The following AK7 variants were observed in gnomAD, a reference collection of about 807,000 sequenced individuals.
The protein encoded by AK7 is ATP-AMP transphosphorylase 7.
Under a neutral mutation model 96.6 loss-of-function variants are expected in AK7, and 78 were observed. That is an observed-to-expected ratio of 0.81 (90% CI 0.67 to 0.97). The LOEUF is 0.97. AK7 is among the 50% of genes least tolerant of loss of function. The pLI, the probability that AK7 is intolerant of heterozygous loss-of-function variation, is 0.00. For synonymous variants in AK7, 302 were observed against 317.2 expected, an observed-to-expected ratio of 0.95 and a Z score of 0.51; for missense variants, 855 against 887.9, an observed-to-expected ratio of 0.96 and a Z score of 0.47.
intron 10 of AK7, among the ~76,000 whole-genome samples, chr14:96,452,168 A>G (rs548715434): frequency 6.6e-6 from 1 of 152,354 alleles, no homozygotes; most frequent in South Asian, 2.1e-4. Flanking sequence ...CCTGTACAAC[A>G]TAAAGTTTTG....
chr14:96,436,398 A>C (rs1381225184), intron 5 of AK7, among the ~76,000 whole-genome samples: 1 of 152,124 alleles, frequency 6.6e-6, no homozygotes, highest in African/African-American at 2.4e-5. Context: ...TAATCCCAGC[A>C]CTTTGGGAGG....
intron 10 of AK7, among the ~76,000 whole-genome samples, chr14:96,453,970 T>G (rs924598223): frequency 6.6e-6 from 1 of 152,034 alleles, no homozygotes; most frequent in Non-Finnish European, 1.5e-5. Context: ...CACACCTGCC[T>G]CCTTCCACTG....
intron 10 of AK7, among the ~76,000 whole-genome samples, chr14:96,452,830 A>T (rs894523751): frequency 6.6e-6 from 1 of 152,158 alleles, no homozygotes; most frequent in Non-Finnish European, 1.5e-5. Context: ...CAGACTAGGT[A>T]GGACGCAGAC....
intron 1 of AK7, 22 bp from the exon 2 acceptor site, chr14:96,398,053 G>T: frequency 6.2e-7 from 1 of 1,605,848 alleles, no homozygotes; most frequent in Non-Finnish European, 8.5e-7. Context: ...TTACCATTTG[G>T]GAAATTTCTG....
intron 14 of AK7, among the ~76,000 whole-genome samples, chr14:96,478,188 G>A (rs932034650): frequency 1.3e-5 from 2 of 151,112 alleles, no homozygotes; most frequent in African/African-American, 2.4e-5. Context: ...GAGGGAGGGC[G>A]GGGGAAGGGA....
chr14:96,478,661 T>C lies in AK7; in HGVS notation c.1752T>C (p.Ile584=), dbSNP rs772475181. The change falls in exon 15 of 18, where the codon ATT becomes ATC. Residue 584 remains isoleucine, a splice_region_variant and synonymous_variant. Coordinates refer to ENST00000267584, the MANE Select transcript of AK7 (RefSeq NM_152327.5). ...FDELEIHPIH[I]DVGKLEDAQN... Reference sequence around the variant, plus strand: ...AACTTGAAATTCACCCGATACATATTGGTATGAAATGAATTCAAGGATAAT... The same window carrying C: ...AACTTGAAATTCACCCGATACATATCGGTATGAAATGAATTCAAGGATAAT... The C allele has an allele frequency of 6.2e-7, 1 of 1,613,218 alleles. No individual in the cohort carries two copies. Among genetic ancestry groups the C allele is most frequent in the South Asian group, 1.1e-5 (1 of 91,056 alleles).
intron 15 of AK7, 159 bp from the exon 16 acceptor site, chr14:96,482,838 TGA>T: frequency 3.6e-6 from 3 of 822,560 alleles, no homozygotes; most frequent in Non-Finnish European, 5.6e-6. Context: ...TATTTGCCCG[TGA>T]GAGAAGAAAT....
chr14:96,428,558 G>A (rs1007443016), intron 5 of AK7, among the ~76,000 whole-genome samples: 3 of 152,170 alleles, frequency 2.0e-5, no homozygotes, highest in Non-Finnish European at 2.9e-5. Context: ...CACAATGGTT[G>A]AACTAGTTTG....
At chr14:96,451,694 C>A in intron 10 of AK7, 124 bp downstream of exon 10, 2 of 973,522 alleles carry the variant, frequency 2.1e-6, no homozygotes, top group Non-Finnish European at 2.7e-6. Flanking sequence ...TCAAGTTTTT[C>A]AAATTTGACA....
chr14:96,460,023 G>A (rs140878404), intron 12 of AK7, among the ~76,000 whole-genome samples: 1 of 152,180 alleles, frequency 6.6e-6, no homozygotes, highest in Non-Finnish European at 1.5e-5. Context: ...GTAAGGTGTC[G>A]CTTTGAACTC....
chr14:96,397,953 T>A, intron 1 of AK7, 122 bp from the exon 2 acceptor site: 1 of 925,726 alleles, frequency 1.1e-6, no homozygotes, highest in Non-Finnish European at 1.7e-6. Flanking sequence ...GTGCAAAGCA[T>A]TTGCTTTGCC....
intron 12 of AK7, 54 bp downstream of exon 12, chr14:96,458,266 T>C: frequency 6.3e-7 from 1 of 1,576,422 alleles, no homozygotes; most frequent in Non-Finnish European, 8.6e-7. Flanking sequence ...TGGCTATTTT[T>C]AAAAATCTGG....
At position 96,401,646 on chromosome 14, in the gene AK7, C is replaced by T. The variant is rs192331447; in HGVS notation, c.295-3111C>T. Among the ~76,000 whole-genome samples the T allele has an allele frequency of 1.4e-3, 208 of 152,142 alleles. 1 individual carries two copies. Among genetic ancestry groups the T allele is most frequent in the Non-Finnish European group, 2.4e-3 (166 of 68,008 alleles). On this transcript the variant is annotated intron_variant, in intron 2 of 17. Transcript: ENST00000267584. ...TGCTCGCTTCAGCGGCACATATGCTCAAATTGGAATGATACAGAGAAGACC... is the reference window on the plus strand; with the variant it reads ...TGCTCGCTTCAGCGGCACATATGCTTAAATTGGAATGATACAGAGAAGACC...
chr14:96,405,326 G>A (rs1235452280), intron 3 of AK7, among the ~76,000 whole-genome samples: 1 of 152,016 alleles, frequency 6.6e-6, no homozygotes, highest in African/African-American at 2.4e-5. Context: ...GGCACTACAG[G>A]CTTGTGCCAC....
In AK7 at chr14:96,486,960, CCT is replaced by C. The variant is rs1259957796; in HGVS notation, c.2038_2039del (p.Leu680GlufsTer18). On this transcript the variant is annotated frameshift_variant, in exon 17 of 18. Coordinates refer to ENST00000267584, the MANE Select transcript of AK7 (RefSeq NM_152327.5). LOFTEE classifies it high-confidence loss of function. ...AATTACTGGAGGCTCAGTCAATTCC[CCT>C]GAGAAACTATTTAATGACCTATGTG... ...RELLEAQSIP[L>X]RNYLMTYVMP... 1 of 1,613,696 alleles carries C rather than the reference CCT, an allele frequency of 6.2e-7. No individual in the cohort carries two copies. The highest frequency in any genetic ancestry group is 8.5e-7 in the Non-Finnish European group (1 of 1,179,698).
At chr14:96,414,636 G>A (rs1045139152) in intron 4 of AK7, among the ~76,000 whole-genome samples, 7 of 152,326 alleles carry the variant, frequency 4.6e-5, no homozygotes, top group South Asian at 2.1e-4. Context: ...CCAGTGCAGG[G>A]CCTGGGGAAG....
intron 4 of AK7, among the ~76,000 whole-genome samples, chr14:96,410,371 T>C (rs143723775): frequency 6.6e-6 from 1 of 152,334 alleles, no homozygotes; most frequent in East Asian, 1.9e-4. Context: ...GCTTCCGGAC[T>C]GATTGTCCCA....
intron 12 of AK7, among the ~76,000 whole-genome samples, chr14:96,470,419 TAAGGATG>T (rs1256608871): frequency 3.3e-5 from 5 of 152,126 alleles, no homozygotes; most frequent in African/African-American, 1.2e-4. Flanking sequence ...TTAAGCAAGG[TAAGGATG>T]GGGCTGCGTT....
intron 17 of AK7, among the ~76,000 whole-genome samples, chr14:96,487,402 A>T (rs1191761675): frequency 7.1e-6 from 1 of 141,758 alleles, no homozygotes; most frequent in Non-Finnish European, 1.5e-5. Context: ...AAAAAAAAAG[A>T]AAAAAAAAGA....
Sources: allele counts gnomAD v4.1 joint callset (sites outside exome capture counted in the v4.1 genomes callset), GRCh38; gene constraint gnomAD v4.1.1; transcripts MANE v1.5; gene names NCBI Gene and HGNC (gene_info 2026-07-23, HGNC 2026-07-21).